Variants in SPAG6 observed in about 807,000 individuals in gnomAD.
SPAG6 encodes sperm-associated antigen 6.
Under a neutral mutation model 58.5 loss-of-function variants are expected in SPAG6, and 49 were observed. The ratio of observed to expected loss-of-function variants is 0.84; its 90% CI spans 0.67 to 1.06. The LOEUF (loss-of-function observed/expected upper bound fraction) is 1.06, where lower values mean the gene tolerates loss of function less well. Among genes scored for constraint, SPAG6 ranks in the 50% least tolerant of loss-of-function variants. The probability of loss-of-function intolerance (pLI) is 0.00; values close to 1 mark genes in which losing one functional copy is unlikely to be tolerated. For missense variants in SPAG6, 560 were observed against 611.3 expected (o/e 0.92, Z 0.89); for synonymous variants, 233 against 225.6 (o/e 1.03, Z -0.29).
intron 2 of SPAG6, among the ~76,000 whole-genome samples, chr10:22,358,878 C>T (rs1291434699): frequency 2.6e-5 from 4 of 152,114 alleles, no homozygotes; most frequent in Non-Finnish European, 5.9e-5. Flanking sequence ...TTGTTCTAAT[C>T]TTCCTAGAAC....
chr10:22,395,828 G>A (rs1300074742), intron 8 of SPAG6, among the ~76,000 whole-genome samples: 2 of 152,152 alleles, frequency 1.3e-5, no homozygotes, highest in African/African-American at 4.8e-5. Context: ...CATTTTAATA[G>A]CTATTACTCT....
chr10:22,345,983 G>A lies in SPAG6; in HGVS notation c.121+165G>A. ...GGTCTTTGGGGGTCAGGCCGAGAGG[G>A]TGAAGCTTCCAGATGGTTGTGGGAG... On this transcript the variant is annotated intron_variant, in intron 2 of 10. Coordinates refer to ENST00000376624, the MANE Select transcript of SPAG6 (RefSeq NM_012443.4). The surrounding 1 kb of genome is among the most constrained non-coding windows in gnomAD (Gnocchi z 6.3). 6.5e-7 allele frequency: 1 copy of A among 1,549,078 alleles called. No individual in the cohort carries two copies. The highest frequency in any genetic ancestry group is 1.2e-5 in the South Asian group (1 of 83,246).
chr10:22,384,150 A>G (rs529862533), intron 4 of SPAG6, among the ~76,000 whole-genome samples: 1 of 152,220 alleles, frequency 6.6e-6, no homozygotes, highest in Non-Finnish European at 1.5e-5. Context: ...CATCCTCAGC[A>G]TATTGGTGAT....
chr10:22,383,252 A>G (rs1588656742), intron 4 of SPAG6, among the ~76,000 whole-genome samples: 1 of 152,216 alleles, frequency 6.6e-6, no homozygotes, highest in African/African-American at 2.4e-5. Context: ...TTGAGTTTAA[A>G]ATGAACTTCA....
chr10:22,362,914 G>C (rs181330929), intron 2 of SPAG6, among the ~76,000 whole-genome samples: 1 of 152,128 alleles, frequency 6.6e-6, no homozygotes, highest in African/African-American at 2.4e-5. Context: ...CTATGGAAAT[G>C]CAAATCAAAA....
rs754545013 is a variant in SPAG6 at position 22,368,627 on chromosome 10, G to T, written c.421G>T (p.Val141Phe). 2 of 1,613,912 alleles carry T rather than the reference G, an allele frequency of 1.2e-6. No homozygotes were observed. Among genetic ancestry groups the T allele is most frequent in the Non-Finnish European group, 1.7e-6 (2 of 1,179,936 alleles). ...ATGCTTGGAAGATTTTGACCCTGGA[G>T]TCAAGGAGGCTGCAGCCTGGGCACT... ...VICLEDFDPG[V>F]KEAAAWALRY... The change falls in exon 4 of 11, where the codon GTC becomes TTC. Residue 141 changes from valine to phenylalanine, a missense_variant. By Grantham distance (50) the Val-to-Phe change is conservative. Transcript: ENST00000376624.
At position 22,381,851 on chromosome 10, in the gene SPAG6, C is replaced by G. The variant is rs138252350; in HGVS notation, c.473-4903C>G. The stretch of plus-strand genomic sequence containing the variant: ...AAAAGTCCTCCTTTTAATTTACGTT[C>G]TCTTTTTGTTTTAAACTTAAACCTA... On this transcript the variant is annotated intron_variant, in intron 4 of 10. Coordinates refer to ENST00000376624, the MANE Select transcript of SPAG6 (RefSeq NM_012443.4). Among the ~76,000 whole-genome samples, 57 of 152,246 alleles carry G rather than the reference C, an allele frequency of 3.7e-4. No individual in the cohort carries two copies. In the East Asian group the frequency reaches 9.1e-3, roughly 24 times the overall value.
chr10:22,408,790 T>C (rs977736887), intron 9 of SPAG6, among the ~76,000 whole-genome samples: 1 of 152,240 alleles, frequency 6.6e-6, no homozygotes, highest in Non-Finnish European at 1.5e-5. Flanking sequence ...TCAGCGAGAC[T>C]CTGTGGGGGT....
intron 10 of SPAG6, 80 bp downstream of exon 10, chr10:22,411,256 G>A: frequency 8.2e-7 from 1 of 1,219,610 alleles, no homozygotes; most frequent in Non-Finnish European, 1.1e-6. Context: ...TATCCACTGT[G>A]TCAAAATGTG....
chr10:22,349,744 A>G (rs1836666028), intron 2 of SPAG6, among the ~76,000 whole-genome samples: 1 of 152,232 alleles, frequency 6.6e-6, no homozygotes, highest in African/African-American at 2.4e-5. Context: ...AAGAGTAGGA[A>G]TAAATAAGTT....
At chr10:22,407,427 GTT>G (rs1834587443) in intron 9 of SPAG6, among the ~76,000 whole-genome samples, 1 of 150,538 alleles carries the variant, frequency 6.6e-6, no homozygotes, top group African/African-American at 2.5e-5. Context: ...GAAATTCTGG[GTT>G]GAAAATTCTT....
intron 6 of SPAG6, 86 bp downstream of exon 6, chr10:22,388,082 G>A (rs1834109252): frequency 9.3e-7 from 1 of 1,079,456 alleles, no homozygotes; most frequent in African/African-American, 1.6e-5. Context: ...AGGGCCTAGG[G>A]GTTGTGGCAC....
intron 2 of SPAG6, chr10:22,361,145 C>A: frequency 3.2e-6 from 1 of 309,922 alleles, no homozygotes. Context: ...AAGGTTATTC[C>A]AACAGATATT....
intron 2 of SPAG6, among the ~76,000 whole-genome samples, chr10:22,357,947 G>C (rs1221506814): frequency 6.6e-6 from 1 of 152,030 alleles, no homozygotes; most frequent in Non-Finnish European, 1.5e-5. Context: ...CTATTCCATG[G>C]TGTATATGTG....
chr10:22,373,690 T>G (rs555717917), intron 4 of SPAG6, among the ~76,000 whole-genome samples: 1 of 152,340 alleles, frequency 6.6e-6, no homozygotes, highest in African/African-American at 2.4e-5. Context: ...AGATTTCGGT[T>G]GGTTCCAGTA....
At position 22,366,523 on chromosome 10, in the gene SPAG6, A is replaced by G. The variant is rs563717300; in HGVS notation, c.288+1504A>G. Among the ~76,000 whole-genome samples the G allele has an allele frequency of 4.6e-5, 7 of 152,304 alleles. No individual in the cohort carries two copies. In the East Asian group the frequency reaches 1.3e-3, roughly 29 times the overall value. On this transcript the variant is annotated intron_variant, in intron 3 of 10. Transcript: ENST00000376624. ...CAACATTGTGAATGCACTAAATGCC[A>G]CTAAATTGTATACTTTAAAATGGTT...
At chr10:22,368,742 A>G (rs1837266898) in intron 4 of SPAG6, 64 bp downstream of exon 4, 2 of 1,350,318 alleles carry the variant, frequency 1.5e-6, no homozygotes, top group Admixed American at 2.1e-5. Flanking sequence ...TTTATTAGGT[A>G]AATCCAGTTT....
chr10:22,378,840 G>A (rs1207357800), intron 4 of SPAG6, among the ~76,000 whole-genome samples: 1 of 152,046 alleles, frequency 6.6e-6, no homozygotes, highest in Non-Finnish European at 1.5e-5. Context: ...CTTGAGTCCT[G>A]TGAGAGCTGC....
intron 7 of SPAG6, 144 bp from the exon 8 acceptor site, chr10:22,391,585 C>T (rs572472504): frequency 7.3e-5 from 46 of 626,030 alleles, no homozygotes; most frequent in African/African-American, 6.1e-4. Context: ...GAAATGACAG[C>T]CCCTGTGATG....
Sources: allele counts gnomAD v4.1 joint callset (sites outside exome capture counted in the v4.1 genomes callset), GRCh38; gene constraint gnomAD v4.1.1; non-coding constraint Gnocchi (gnomAD v3.1); transcripts MANE v1.5; gene names NCBI Gene and HGNC (gene_info 2026-07-23, HGNC 2026-07-21).